GRM8: variants seen among roughly 807,000 people sequenced by gnomAD.
The protein encoded by GRM8 is glutamate metabotropic receptor 8.
A neutral mutation model predicts 87.2 loss-of-function variants in GRM8; 47 were observed. The ratio of observed to expected loss-of-function variants is 0.54; its 90% CI spans 0.43 to 0.69. The LOEUF (loss-of-function observed/expected upper bound fraction) is 0.69, where lower values mean the gene tolerates loss of function less well. GRM8 is among the 30% of genes least tolerant of loss of function. The pLI is 0.00. For missense variants in GRM8, 1,019 were observed against 1,139.2 expected (o/e 0.89, Z 1.52); for synonymous variants, 396 against 404.5 (o/e 0.98, Z 0.25).
rs17867200 is a variant in GRM8, at chr7:126,973,136, C to A, written c.728-68453G>T. On this transcript the variant is annotated intron_variant, in intron 3 of 10. Transcript: ENST00000339582. ...CTAATAGTTTAGGATGCACCAGAAACACCTGGAAAAGCTTGTAAAAACACA... is the reference window on the plus strand; with the variant it reads ...CTAATAGTTTAGGATGCACCAGAAAAACCTGGAAAAGCTTGTAAAAACACA... 9.1e-3 allele frequency among the ~76,000 whole-genome samples: 1,379 copies of A among 152,278 alleles called. 22 individuals carry two copies. The highest frequency in any genetic ancestry group is 0.031 in the African/African-American group (1,302 of 41,562).
intron 2 of GRM8, among the ~76,000 whole-genome samples, chr7:127,150,227 G>T (rs1299776250): frequency 1.3e-5 from 2 of 151,980 alleles, no homozygotes; most frequent in East Asian, 3.9e-4. Context: ...AGAATGGAGG[G>T]CTCATATGAA....
chr7:126,662,220 A>T (rs764648148), intron 7 of GRM8, among the ~76,000 whole-genome samples: 2 of 152,250 alleles, frequency 1.3e-5, no homozygotes, highest in Non-Finnish European at 2.9e-5. Flanking sequence ...TGCTGAAGAT[A>T]ACAGAATAAG....
chr7:126,815,559 T>C (rs1793708932), intron 6 of GRM8, among the ~76,000 whole-genome samples: 1 of 152,096 alleles, frequency 6.6e-6, no homozygotes, highest in African/African-American at 2.4e-5. Context: ...GTGGAATCTG[T>C]GCCAATAGTA....
chr7:126,964,622 C>T (rs1403142143), intron 3 of GRM8, among the ~76,000 whole-genome samples: 9 of 152,152 alleles, frequency 5.9e-5, no homozygotes, highest in African/African-American at 1.7e-4. Flanking sequence ...CCATCTCACA[C>T]TAGTTAGAAT....
At chr7:126,669,545 G>A (rs1806161186) in intron 7 of GRM8, among the ~76,000 whole-genome samples, 1 of 152,202 alleles carries the variant, frequency 6.6e-6, no homozygotes, top group Non-Finnish European at 1.5e-5. Context: ...TAAGTGTTGT[G>A]AGTTTACAAA....
At chr7:126,970,008 T>C (rs1264985772) in intron 3 of GRM8, among the ~76,000 whole-genome samples, 5 of 150,916 alleles carry the variant, frequency 3.3e-5, no homozygotes, top group Admixed American at 6.6e-5. Context: ...CTTTTTTTTT[T>C]CTGAGCAGCA....
intron 7 of GRM8, among the ~76,000 whole-genome samples, chr7:126,727,746 A>C (rs1386039234): frequency 2.1e-5 from 3 of 145,646 alleles, no homozygotes; most frequent in Non-Finnish European, 4.5e-5. Flanking sequence ...CACACCCCTA[A>C]AAAAACAAAA....
chr7:126,919,640 G>T (rs1168553696), intron 3 of GRM8, among the ~76,000 whole-genome samples: 1 of 151,884 alleles, frequency 6.6e-6, no homozygotes, highest in Non-Finnish European at 1.5e-5. Context: ...GTTGGGGATG[G>T]GCTGAAGATG....
In GRM8 at chr7:126,757,013, C is replaced by A. The variant is rs373310022; in HGVS notation, c.1357+12852G>T. On this transcript the variant is annotated intron_variant, in intron 7 of 10. Coordinates refer to ENST00000339582, the MANE Select transcript of GRM8 (RefSeq NM_000845.3). ...AAATGTAAACCTTTATAAATTTAAACCTCATTAATAGATATTAAATGTTAT... is the reference window on the plus strand; with the variant it reads ...AAATGTAAACCTTTATAAATTTAAAACTCATTAATAGATATTAAATGTTAT... Among the ~76,000 whole-genome samples the A allele has an allele frequency of 2.6e-5, 4 of 152,080 alleles. No homozygotes were observed. The East Asian group carries it at 7.7e-4, about 29-fold the overall frequency.
chr7:127,160,666 G>A (rs1417270130), intron 2 of GRM8, among the ~76,000 whole-genome samples: 1 of 152,112 alleles, frequency 6.6e-6, no homozygotes, highest in African/African-American at 2.4e-5. Flanking sequence ...CTGGGGAGCT[G>A]TGGAAGGGAT....
chr7:126,531,001 A>T (rs1297236975), intron 9 of GRM8, among the ~76,000 whole-genome samples: 1 of 152,010 alleles, frequency 6.6e-6, no homozygotes, highest in African/African-American at 2.4e-5. Flanking sequence ...TATTGTAGAG[A>T]TAGGGTCTTG....
chr7:126,603,174 A>G (rs2151081387), intron 8 of GRM8, among the ~76,000 whole-genome samples: 1 of 147,082 alleles, frequency 6.8e-6, no homozygotes, highest in East Asian at 2.0e-4. Context: ...AGCCTTTGAC[A>G]AAATTCAACA....
intron 2 of GRM8, among the ~76,000 whole-genome samples, chr7:127,112,603 A>G (rs535452143): frequency 6.6e-6 from 1 of 152,354 alleles, no homozygotes; most frequent in South Asian, 2.1e-4. Context: ...TATTTAAGTT[A>G]AAACACCACC....
At chr7:126,464,893 A>G (rs1045987054) in intron 9 of GRM8, among the ~76,000 whole-genome samples, 4 of 151,490 alleles carry the variant, frequency 2.6e-5, no homozygotes, top group Admixed American at 6.6e-5. Flanking sequence ...TTTAATCTTC[A>G]TTTCTTAGTC....
chr7:126,686,468 A>G (rs1055482276), intron 7 of GRM8, among the ~76,000 whole-genome samples: 1 of 151,994 alleles, frequency 6.6e-6, no homozygotes, highest in Non-Finnish European at 1.5e-5. Context: ...GTGACTCCCT[A>G]TTTGGGGCCC....
chr7:126,617,290 A>T (rs1406726548), intron 7 of GRM8, among the ~76,000 whole-genome samples: 1 of 152,248 alleles, frequency 6.6e-6, no homozygotes, highest in Non-Finnish European at 1.5e-5. Flanking sequence ...TGATTATCTC[A>T]ATAGATGAAG....
rs141978427 is a variant in GRM8, at chr7:126,850,572, G to T, written c.1156+51970C>A. On this transcript the variant is annotated intron_variant, in intron 6 of 10. Coordinates refer to ENST00000339582, the MANE Select transcript of GRM8 (RefSeq NM_000845.3). ...TTTAGGATTTGGTTGGATGATTTTG[G>T]AGAGAGTCCAAGGAAGGGAAGTTTC... is the stretch of plus-strand genomic sequence containing the variant. Among the ~76,000 whole-genome samples the T allele has an allele frequency of 7.2e-5, 11 of 152,268 alleles. No individual in the cohort carries two copies. In the East Asian group the frequency reaches 1.9e-3, roughly 27 times the overall value.
intron 3 of GRM8, among the ~76,000 whole-genome samples, chr7:126,912,347 A>G (rs1485863567): frequency 3.3e-5 from 5 of 152,228 alleles, no homozygotes; most frequent in Non-Finnish European, 7.3e-5. Flanking sequence ...CCAAGGTTGA[A>G]TGAACTCAGC....
chr7:126,663,364 C>A (rs949509568), intron 7 of GRM8, among the ~76,000 whole-genome samples: 1 of 152,096 alleles, frequency 6.6e-6, no homozygotes, highest in Non-Finnish European at 1.5e-5. Context: ...GGCCAATATC[C>A]CTGATGAACA....
Sources: gnomAD v4.1 joint callset for allele counts (sites outside exome capture counted in the v4.1 genomes callset) on GRCh38, gnomAD v4.1.1 for gene constraint, MANE v1.5 for transcripts, NCBI Gene and HGNC (gene_info 2026-07-23, HGNC 2026-07-21) for gene names.